DOCK1: variants seen among roughly 807,000 people sequenced by gnomAD.
The protein encoded by DOCK1 is dedicator of cytokinesis protein 1.
Under a neutral mutation model 262.7 loss-of-function variants are expected in DOCK1, and 138 were observed. The ratio of observed to expected loss-of-function variants is 0.53; its 90% CI spans 0.46 to 0.61. The LOEUF is 0.61. Ranked by LOEUF, DOCK1 falls within the 20% of genes least tolerant of loss-of-function variation. The pLI is 0.00. For synonymous variants in DOCK1, 866 were observed against 867.4 expected, an observed-to-expected ratio of 1.00 and a Z score of 0.03; for missense variants, 1,908 against 2,370.7, an observed-to-expected ratio of 0.80 and a Z score of 4.05.
chr10:127,174,527 A>C (rs954408137), intron 27 of DOCK1, among the ~76,000 whole-genome samples: 6 of 152,192 alleles, frequency 3.9e-5, no homozygotes, highest in African/African-American at 1.4e-4. Flanking sequence ...TATCAACGCA[A>C]TAAAGTATTG....
At chr10:127,181,518 A>G (rs11597074) in intron 27 of DOCK1, among the ~76,000 whole-genome samples, 32,540 of 152,182 alleles carry the variant, frequency 0.21, 4,283 homozygotes, top group South Asian at 0.3. Flanking sequence ...GCATATAGTA[A>G]GATAGCTAGG....
chr10:127,137,828 C>A, intron 27 of DOCK1: 1 of 1,609,636 alleles, frequency 6.2e-7, no homozygotes, highest in South Asian at 1.1e-5. Context: ...ACTCCAGACA[C>A]CGTGAGTGTT....
Position 126,925,407 on chromosome 10 carries a change from C to T in DOCK1, c.46+19844C>T, listed in dbSNP as rs112032919. On this transcript the variant is annotated intron_variant, in intron 1 of 51. Coordinates refer to ENST00000623213, the MANE Select transcript of DOCK1 (RefSeq NM_001290223.2). ...TTTTGTTTTGTTTTGTTTTTTGAGA[C>T]GGAGTCTCGCTCTGTTTCCAGGCTG... Among the ~76,000 whole-genome samples, 609 of 152,256 alleles carry T rather than the reference C, an allele frequency of 4.0e-3. 9 individuals carry two copies. Among genetic ancestry groups the T allele is most frequent in the African/African-American group, 0.013 (553 of 41,544 alleles).
intron 43 of DOCK1, among the ~76,000 whole-genome samples, chr10:127,414,191 C>A (rs1427000623): frequency 6.6e-6 from 1 of 152,182 alleles, no homozygotes; most frequent in Non-Finnish European, 1.5e-5. Context: ...GGATTACAGA[C>A]GTGAGCCCCC....
intron 33 of DOCK1, among the ~76,000 whole-genome samples, chr10:127,363,009 A>C (rs1447340294): frequency 9.0e-6 from 1 of 110,796 alleles, no homozygotes. Context: ...ACACACGCAC[A>C]TCCCCACACA....
At chr10:127,243,121 G>A (rs951010249) in intron 27 of DOCK1, among the ~76,000 whole-genome samples, 2 of 152,130 alleles carry the variant, frequency 1.3e-5, no homozygotes, top group Non-Finnish European at 2.9e-5. Flanking sequence ...ATTACCAGGA[G>A]CAATTTTATA....
chr10:127,083,722 G>A (rs1374603858), intron 23 of DOCK1, among the ~76,000 whole-genome samples: 2 of 152,030 alleles, frequency 1.3e-5, no homozygotes, highest in African/African-American at 4.8e-5. Flanking sequence ...GCGATACAGG[G>A]AAGAAAAAGA....
At chr10:127,094,280 G>A (rs532177512) in intron 23 of DOCK1, among the ~76,000 whole-genome samples, 2 of 152,270 alleles carry the variant, frequency 1.3e-5, no homozygotes, top group South Asian at 4.1e-4. Flanking sequence ...AATTTTGGAG[G>A]GGACAGATAT....
chr10:127,300,715 G>C (rs1234157185), intron 29 of DOCK1, among the ~76,000 whole-genome samples: 2 of 152,108 alleles, frequency 1.3e-5, no homozygotes, highest in Admixed American at 1.3e-4. Flanking sequence ...CCTCTTAGGG[G>C]CCACCACAGA....
chr10:127,329,588 C>T (rs747422561), intron 29 of DOCK1, among the ~76,000 whole-genome samples: 1 of 152,002 alleles, frequency 6.6e-6, no homozygotes, highest in Non-Finnish European at 1.5e-5. Flanking sequence ...CTTTATTTGC[C>T]GGGATGGAGT....
intron 25 of DOCK1, among the ~76,000 whole-genome samples, chr10:127,119,759 C>T (rs2049428090): frequency 2.0e-5 from 3 of 152,292 alleles, no homozygotes; most frequent in African/African-American, 7.2e-5. Flanking sequence ...TTAAGAAGTA[C>T]ATTACTCTGT....
At chr10:127,219,059 G>A (rs186370239) in intron 27 of DOCK1, among the ~76,000 whole-genome samples, 1 of 152,268 alleles carries the variant, frequency 6.6e-6, no homozygotes, top group Admixed American at 6.5e-5. Context: ...TGGCAATTTT[G>A]GAGGGGGCAC....
At chr10:127,042,487 A>G in intron 19 of DOCK1, 138 bp from the exon 20 acceptor site, 1 of 694,736 alleles carries the variant, frequency 1.4e-6, no homozygotes, top group Non-Finnish European at 2.4e-6. Context: ...TAGTGGCTGA[A>G]AAGGATCCCG....
chr10:127,241,180 C>T (rs2134694497), intron 27 of DOCK1, among the ~76,000 whole-genome samples: 1 of 152,150 alleles, frequency 6.6e-6, no homozygotes, highest in South Asian at 2.1e-4. Flanking sequence ...AAAAATTAGC[C>T]AGGCGTGGCA....
chr10:126,992,056 GA>G (rs1565038959), intron 6 of DOCK1, among the ~76,000 whole-genome samples: 1 of 152,156 alleles, frequency 6.6e-6, no homozygotes, highest in Admixed American at 6.5e-5. Flanking sequence ...TTTGAAGTGT[GA>G]AAAACTTCTT....
intron 23 of DOCK1, among the ~76,000 whole-genome samples, chr10:127,092,110 G>T (rs2136104991): frequency 6.6e-6 from 1 of 152,326 alleles, no homozygotes; most frequent in South Asian, 2.1e-4. Context: ...GCCCAGTGGT[G>T]ACTGTACTGG....
intron 31 of DOCK1, among the ~76,000 whole-genome samples, chr10:127,353,598 G>T (rs1017939289): frequency 6.6e-6 from 1 of 152,220 alleles, no homozygotes; most frequent in African/African-American, 2.4e-5. Flanking sequence ...TTAGGGCTGC[G>T]CTTAGAGCTA....
intron 6 of DOCK1, among the ~76,000 whole-genome samples, chr10:126,991,408 G>T (rs1302631156): frequency 4.6e-5 from 7 of 152,060 alleles, no homozygotes; most frequent in Non-Finnish European, 4.4e-5. Flanking sequence ...GTTCCCAAAT[G>T]CTCTTCTATT....
intron 46 of DOCK1, among the ~76,000 whole-genome samples, chr10:127,422,782 G>A (rs750777389): frequency 2.0e-5 from 3 of 152,144 alleles, no homozygotes; most frequent in African/African-American, 4.8e-5. Context: ...TAAAGGGTAC[G>A]AAATTCAAAA....
Sources: gnomAD v4.1 joint callset for allele counts (sites outside exome capture counted in the v4.1 genomes callset) on GRCh38, gnomAD v4.1.1 for gene constraint, MANE v1.5 for transcripts, NCBI Gene and HGNC (gene_info 2026-07-23, HGNC 2026-07-21) for gene names.